The following KCNIP2 variants were observed in gnomAD, a reference collection of about 807,000 sequenced individuals.
The protein encoded by KCNIP2 is potassium voltage-gated channel interacting protein 2, also known as A-type potassium channel modulatory protein KCNIP2.
A neutral mutation model predicts 39.0 loss-of-function variants in KCNIP2; 19 were observed. The observed-to-expected ratio is 0.49, with a 90% CI of 0.34 to 0.71. The LOEUF (loss-of-function observed/expected upper bound fraction) is 0.71. Ranked by LOEUF, KCNIP2 falls within the 30% of genes least tolerant of loss-of-function variation. KCNIP2 has a pLI of 0.01. For synonymous variants in KCNIP2, 111 were observed against 131.2 expected (o/e 0.85, Z 1.05); for missense variants, 261 against 346.0 (o/e 0.75, Z 1.95).
In KCNIP2 at chr10:101,829,148, C is replaced by T. The variant is rs747848743; in HGVS notation, c.275G>A (p.Gly92Asp). The T allele has an allele frequency of 6.2e-7, 1 of 1,614,224 alleles. No homozygotes were observed. The change falls in exon 4 of 10, where the codon GGT becomes GAT. Residue 92 changes from glycine to aspartate, a missense_variant. By Grantham distance (94) the Gly-to-Asp change is moderately conservative. Coordinates refer to ENST00000356640, the MANE Select transcript of KCNIP2 (RefSeq NM_173191.3). ...GGTTTGCTCCTGCAGCTGCTCCAGACCCTCAGGCCGGTGACACACGGTGGA... is the reference window on the plus strand; with the variant it reads ...GGTTTGCTCCTGCAGCTGCTCCAGATCCTCAGGCCGGTGACACACGGTGGA... ...ELSTVCHRPEGLEQLQEQTKF... is the reference protein window; with the variant it reads ...ELSTVCHRPEDLEQLQEQTKF...
At position 101,838,880 on chromosome 10, in the gene KCNIP2, G is replaced by A. The variant is rs1031382225; in HGVS notation, c.73+4616C>T. 2.0e-5 allele frequency among the ~76,000 whole-genome samples: 3 copies of A among 152,204 alleles called. No individual in the cohort carries two copies. Among genetic ancestry groups the A allele is most frequent in the Non-Finnish European group, 2.9e-5 (2 of 68,024 alleles). The stretch of plus-strand genomic sequence containing the variant: ...GGTCTGTTTGAGGTCAGGTACAGAG[G>A]AGACGTTGCGTTCTATGGGCCCTGC... On this transcript the variant is annotated intron_variant, in intron 1 of 9. Transcript: ENST00000356640. The surrounding 1 kb of genome is among the most constrained non-coding windows in gnomAD (Gnocchi z 4.0).
chr10:101,830,815 T>A (rs1249364446), intron 2 of KCNIP2, among the ~76,000 whole-genome samples: 1 of 127,372 alleles, frequency 7.9e-6, no homozygotes, highest in South Asian at 2.7e-4. Context: ...TCCACACACA[T>A]GCAGGGGTAG....
Position 101,830,473 on chromosome 10 carries a change from G to T in KCNIP2, c.170-576C>A, listed in dbSNP as rs942637563. 3.1e-6 allele frequency: 4 copies of T among 1,275,416 alleles called. No homozygotes were observed. In the Admixed American group the frequency reaches 1.0e-4, roughly 32 times the overall value. 79.0% of individuals were successfully genotyped at this position (1,275,416 alleles called of 1,614,324 possible). A position where few individuals can be genotyped will look rare whatever the true frequency, so the allele number is the denominator to read the frequency against. Reference sequence around the variant, plus strand: ...CACGGCCGCCTGGTCTACACAGGCCGCCACAGCTACACAGGCTCAGGCCTC... The same window carrying T: ...CACGGCCGCCTGGTCTACACAGGCCTCCACAGCTACACAGGCTCAGGCCTC... On this transcript the variant is annotated intron_variant, in intron 2 of 9. Coordinates refer to ENST00000356640, the MANE Select transcript of KCNIP2 (RefSeq NM_173191.3).
rs2065902845 is a variant in KCNIP2 at position 101,829,834 on chromosome 10, C to T, written c.223+10G>A. 11 of 1,452,498 alleles carry T rather than the reference C, an allele frequency of 7.6e-6. No individual in the cohort carries two copies. The East Asian group carries it at 2.3e-4, about 31-fold the overall frequency. The allele number at this position is 1,452,498 out of a possible 1,614,324, so 90.0% of individuals were successfully genotyped here. ...TGCCCCGCCCCGCCCCCACCAGGAG[C>T]GTAAGTCACCTGGGTCCAGCAGGCG... is the stretch of plus-strand genomic sequence containing the variant. On this transcript the variant is annotated intron_variant, in intron 3 of 9. Transcript: ENST00000356640.
chr10:101,827,508 A>C, intron 9 of KCNIP2, 108 bp from the exon 10 acceptor site: 1 of 1,357,210 alleles, frequency 7.4e-7, no homozygotes. Context: ...TCAAAAGCAC[A>C]GAGGAAGGAG....
At position 101,838,197 on chromosome 10, in the gene KCNIP2, C is replaced by T. The variant is rs1238976396; in HGVS notation, c.73+5299G>A. On this transcript the variant is annotated intron_variant, in intron 1 of 9. Coordinates refer to ENST00000356640, the MANE Select transcript of KCNIP2 (RefSeq NM_173191.3). The surrounding 1 kb of genome is among the most constrained non-coding windows in gnomAD (Gnocchi z 4.0). ...CCTGTGCCACGAATTTAGCTCTTCA[C>T]TCAAAGTAAAATCTCTGTGGAAGCA... Among the ~76,000 whole-genome samples, 2 of 152,250 alleles carry T rather than the reference C, an allele frequency of 1.3e-5. No individual in the cohort carries two copies. The highest frequency in any genetic ancestry group is 2.9e-5 in the Non-Finnish European group (2 of 68,054).
intron 3 of KCNIP2, 26 bp from the exon 4 acceptor site, chr10:101,829,225 G>A (rs372037262): frequency 1.3e-5 from 20 of 1,598,230 alleles, no homozygotes; most frequent in Middle Eastern, 1.7e-4. Flanking sequence ...GGACAGCCGC[G>A]CCTCAGGCCC....
At chr10:101,834,254 ACACCTGGATTACCTTCC>A (rs933558915) in intron 1 of KCNIP2, 3 of 399,210 alleles carry the variant, frequency 7.5e-6, no homozygotes, top group African/African-American at 6.2e-5. Context: ...ACATGCCAGG[ACACCTGGATTACCTTCC>A]AAGGAGACAG....
intron 1 of KCNIP2, among the ~76,000 whole-genome samples, chr10:101,832,336 GTGTGTC>G (rs1271006391): frequency 2.1e-5 from 3 of 142,566 alleles, no homozygotes; most frequent in African/African-American, 5.1e-5. Context: ...GTGTGTGTGT[GTGTGTC>G]TGTGTCTCCC....
chr10:101,831,308 G>T (rs544227514), intron 1 of KCNIP2, 141 bp from the exon 2 acceptor site: 13 of 680,718 alleles, frequency 1.9e-5, no homozygotes, highest in Admixed American at 8.3e-5. Context: ...GAATGGCAAG[G>T]GTGGTTGGAA....
At chr10:101,832,481 C>A (rs974369245) in intron 1 of KCNIP2, among the ~76,000 whole-genome samples, 1 of 152,092 alleles carries the variant, frequency 6.6e-6, no homozygotes, top group African/African-American at 2.4e-5. Context: ...TCCATATACC[C>A]CACCCTCCCA....
At chr10:101,839,967 A>C in intron 1 of KCNIP2, 1 of 668,928 alleles carries the variant, frequency 1.5e-6, no homozygotes, top group Non-Finnish European at 2.2e-6. Flanking sequence ...TAGGATCGAA[A>C]CCCTGGAGCC....
At chr10:101,834,442 C>T (rs1467076049) in intron 1 of KCNIP2, 1 of 398,756 alleles carries the variant, frequency 2.5e-6, no homozygotes, top group Non-Finnish European at 4.4e-6. Context: ...ACCACCTCCC[C>T]CTCAGACTCC....
chr10:101,840,057 CGG>C lies in KCNIP2; in HGVS notation c.73+3437_73+3438del, dbSNP rs71016350. 8.5e-3 allele frequency among the ~76,000 whole-genome samples: 768 copies of C among 90,374 alleles called. 7 individuals carry two copies. The highest frequency in any genetic ancestry group is 0.011 in the Non-Finnish European group (498 of 45,988). The allele number at this position is 90,374 out of a possible 152,430, so 59.3% of individuals were successfully genotyped here. A position where few individuals can be genotyped will look rare whatever the true frequency, so the allele number is the denominator to read the frequency against. ...AGCAGCCGCCCCCAAAGTTCCTGGA[CGG>C]GGGGGGGGGGTGGCGGGGAGGGGCG... is the stretch of plus-strand genomic sequence containing the variant. On this transcript the variant is annotated intron_variant, in intron 1 of 9. Coordinates refer to ENST00000356640, the MANE Select transcript of KCNIP2 (RefSeq NM_173191.3).
At chr10:101,835,095 A>T (rs2066111972) in intron 1 of KCNIP2, among the ~76,000 whole-genome samples, 1 of 152,078 alleles carries the variant, frequency 6.6e-6, no homozygotes, top group African/African-American at 2.4e-5. Flanking sequence ...GTGTTTTAGT[A>T]GGGTTGTAGG....
intron 3 of KCNIP2, 167 bp from the exon 4 acceptor site, chr10:101,829,366 G>C: frequency 1.2e-6 from 1 of 847,412 alleles, no homozygotes; most frequent in South Asian, 2.0e-5. Flanking sequence ...AAGGAGAAAA[G>C]ATGATGGCCA....
At position 101,827,752 on chromosome 10, in the gene KCNIP2, C is replaced by T. The variant is rs1453587453; in HGVS notation, c.703-1G>A. 6.2e-7 allele frequency: 1 copy of T among 1,611,644 alleles called. No individual in the cohort carries two copies. The highest frequency in any genetic ancestry group is 8.5e-7 in the Non-Finnish European group (1 of 1,177,708). On this transcript the variant is annotated splice_acceptor_variant, in intron 8 of 9. Transcript: ENST00000356640. LOFTEE classifies it high-confidence loss of function. ...CACCATCCTTGTTTCTGTCCATCTT[C>T]TGCAAGAAGGTGGTCAGGCAGGGAG...
chr10:101,843,541 A>G lies in KCNIP2; in HGVS notation c.28T>C (p.Leu10=). ...CCGTCCAGGTCTCGGGAATCGGACA[A>G]ACTCTCCTTGCGGCCCTGGCCCCGC... is the stretch of plus-strand genomic sequence containing the variant. MRGQGRKES[L]SDSRDLDGSY... is the part of the protein sequence containing the mutation. The change falls in exon 1 of 10, where the codon TTG becomes CTG. Residue 10 remains leucine, a synonymous_variant. Transcript: ENST00000356640. The surrounding 1 kb of genome is among the most constrained non-coding windows in gnomAD (Gnocchi z 6.7). 1 of 1,576,500 alleles carries G rather than the reference A, an allele frequency of 6.3e-7. No individual in the cohort carries two copies. The highest frequency in any genetic ancestry group is 1.4e-5 in the African/African-American group (1 of 72,414).
intron 1 of KCNIP2, among the ~76,000 whole-genome samples, chr10:101,841,801 G>A (rs1299750755): frequency 6.6e-6 from 1 of 152,230 alleles, no homozygotes; most frequent in Non-Finnish European, 1.5e-5. Context: ...CACTAAGGGT[G>A]AGAACCCATT....
Sources: gnomAD v4.1 joint callset for allele counts (sites outside exome capture counted in the v4.1 genomes callset) on GRCh38, gnomAD v4.1.1 for gene constraint, Gnocchi (gnomAD v3.1) non-coding constraint, MANE v1.5 for transcripts, NCBI Gene and HGNC (gene_info 2026-07-23, HGNC 2026-07-21) for gene names.